The following MSL2 variants were observed in gnomAD, a reference collection of about 807,000 sequenced individuals.
MSL2 encodes MSL complex subunit 2.
In MSL2, 2 loss-of-function variants were observed where a neutral mutation model predicts 35.8. That is an observed-to-expected ratio of 0.06 (90% CI 0.02 to 0.18). The LOEUF is 0.18. Ranked by LOEUF, MSL2 falls within the 10% of genes least tolerant of loss-of-function variation. The pLI is 1.00. For missense variants in MSL2, 523 were observed against 706.7 expected (o/e 0.74, Z 2.95); for synonymous variants, 296 against 255.7 (o/e 1.16, Z -1.50).
In MSL2 at chr3:136,152,560, G is replaced by A. The variant is rs1393391390; in HGVS notation, c.321C>T (p.Cys107=). The A allele has an allele frequency of 6.2e-7, 1 of 1,614,080 alleles. No individual in the cohort carries two copies. Among genetic ancestry groups the A allele is most frequent in the South Asian group, 1.1e-5 (1 of 91,074 alleles). Reference sequence around the variant, plus strand: ...CCAGTGTAGTCTGTGTTATATACTCGCATAGTTTTTTGTAGCAGTTCACTA... The same window carrying A: ...CCAGTGTAGTCTGTGTTATATACTCACATAGTTTTTTGTAGCAGTTCACTA... The part of the protein sequence containing the change: ...SILVNCYKKL[C]EYITQTTLAR... The change falls in exon 2 of 2, where the codon TGC becomes TGT. Residue 107 remains cysteine, a synonymous_variant. Coordinates refer to ENST00000309993, the MANE Select transcript of MSL2 (RefSeq NM_018133.4).
intron 1 of MSL2, among the ~76,000 whole-genome samples, chr3:136,164,093 CA>C (rs1009215449): frequency 6.6e-6 from 1 of 152,030 alleles, no homozygotes; most frequent in Non-Finnish European, 1.5e-5. Flanking sequence ...AAAAAGAAAA[CA>C]AAATCAGTTT....
intron 1 of MSL2, among the ~76,000 whole-genome samples, chr3:136,180,474 G>C (rs1940309067): frequency 2.0e-5 from 3 of 151,802 alleles, no homozygotes; most frequent in African/African-American, 7.3e-5. Flanking sequence ...GGCTGAGGTG[G>C]GCAGATCACG....
chr3:136,191,918 T>C (rs1940701475), intron 1 of MSL2, among the ~76,000 whole-genome samples: 2 of 152,176 alleles, frequency 1.3e-5, no homozygotes, highest in African/African-American at 4.8e-5. Context: ...TCAACCTAAT[T>C]GCAAAGTTTG....
chr3:136,174,448 C>T (rs1242011976), intron 1 of MSL2, among the ~76,000 whole-genome samples: 3 of 152,086 alleles, frequency 2.0e-5, no homozygotes, highest in Non-Finnish European at 4.4e-5. Flanking sequence ...TTGCCCCTTC[C>T]CAAAAATGAT....
At chr3:136,167,810 GA>G in intron 1 of MSL2, among the ~76,000 whole-genome samples, 1 of 152,118 alleles carries the variant, frequency 6.6e-6, no homozygotes, top group Non-Finnish European at 1.5e-5. Flanking sequence ...ATTTGGAATG[GA>G]AAAAAATCAG....
At position 136,195,469 on chromosome 3, in the gene MSL2, G is replaced by A. The variant is rs1354514019; in HGVS notation, c.-356C>T. On this transcript the variant is annotated 5_prime_UTR_variant, in exon 1 of 2. Transcript: ENST00000309993. ...GGCTCGGCAGGCGGCCTGCACTCGA[G>A]CTCCATCTCCGGACACGGAGGCGCC... 9.7e-7 allele frequency: 1 copy of A among 1,027,536 alleles called. No individual in the cohort carries two copies. The highest frequency in any genetic ancestry group is 1.2e-6 in the Non-Finnish European group (1 of 856,814). The allele number at this position is 1,027,536 out of a possible 1,614,324, so 63.7% of individuals were successfully genotyped here. A position where few individuals can be genotyped will look rare whatever the true frequency, so the allele number is the denominator to read the frequency against.
intron 1 of MSL2, among the ~76,000 whole-genome samples, chr3:136,174,147 T>C (rs923611064): frequency 6.6e-6 from 1 of 152,232 alleles, no homozygotes; most frequent in Non-Finnish European, 1.5e-5. Flanking sequence ...CAGAAACTTA[T>C]TTATCTCTAA....
In MSL2 at chr3:136,195,936, G is replaced by A. The variant is rs1013733123; in HGVS notation, c.-823C>T. The A allele has an allele frequency of 9.4e-6, 5 of 530,282 alleles. No homozygotes were observed. The highest frequency in any genetic ancestry group is 1.5e-4 in the East Asian group (1 of 6,844). 32.8% of individuals were successfully genotyped at this position (530,282 alleles called of 1,614,324 possible). On this transcript the variant is annotated 5_prime_UTR_variant, in exon 1 of 2. Transcript: ENST00000309993. ...CTCGCGCCTCAGTCGCACACTCCGG[G>A]GTCACCAGACTCAAGCGCCGCCCCC...
At chr3:136,194,649 G>T in intron 1 of MSL2, 1 of 282,916 alleles carries the variant, frequency 3.5e-6, no homozygotes. Flanking sequence ...CAGCTCCCGC[G>T]GCAAAGGTTT....
intron 1 of MSL2, among the ~76,000 whole-genome samples, chr3:136,189,939 G>A (rs1204245169): frequency 2.0e-5 from 3 of 152,010 alleles, no homozygotes; most frequent in African/African-American, 7.3e-5. Context: ...ATATTAACCA[G>A]GCGCGGGGGT....
chr3:136,195,394 G>A lies in MSL2; in HGVS notation c.-281C>T, dbSNP rs1049941353. On this transcript the variant is annotated 5_prime_UTR_variant, in exon 1 of 2. Transcript: ENST00000309993. ...CCGGAGCGACCACAGAGCGCAGAAC[G>A]CGGCGGCTTGGGCGCTCGGGGCGGG... The A allele has an allele frequency of 1.7e-6, 2 of 1,162,156 alleles. No homozygotes were observed. The highest frequency in any genetic ancestry group is 3.3e-5 in the African/African-American group (2 of 61,442). The allele number at this position is 1,162,156 out of a possible 1,614,324, so 72.0% of individuals were successfully genotyped here.
rs970219161 is a variant in MSL2, at chr3:136,152,169, C to T, written c.712G>A (p.Val238Ile). Residue 238 changes from valine (V) to isoleucine (I), a missense_variant, in exon 2 of 2, where the codon GTT (valine) becomes ATT (isoleucine). Physicochemically the swap from Val to Ile is conservative, Grantham distance 29 (BLOSUM62 3). This residue lies in a region of MSL2 where 361 missense variants were observed against 414.6 expected (regional missense o/e 0.87). Coordinates refer to ENST00000309993, the MANE Select transcript of MSL2 (RefSeq NM_018133.4). ...TEDLSDSLPP[V>I]CDTVATDLCS... ...AAGTCAGTGGCTACTGTGTCACAAACGGGTGGCAGGCTGTCAGACAGATCC... is the reference window on the plus strand; with the variant it reads ...AAGTCAGTGGCTACTGTGTCACAAATGGGTGGCAGGCTGTCAGACAGATCC... The T allele has an allele frequency of 8.7e-6, 14 of 1,614,026 alleles. No homozygotes were observed. In the East Asian group the frequency reaches 1.1e-4, roughly 13 times the overall value.
intron 1 of MSL2, among the ~76,000 whole-genome samples, chr3:136,179,184 G>A (rs1245014623): frequency 1.3e-5 from 2 of 151,322 alleles, no homozygotes; most frequent in Non-Finnish European, 2.9e-5. Flanking sequence ...TGTTCACTTT[G>A]TTCACTTTTT....
At chr3:136,160,298 A>AGAGGGAAGGAAGGAGGGAGGGAGGGAAG (rs1939665470) in intron 1 of MSL2, among the ~76,000 whole-genome samples, 1 of 111,716 alleles carries the variant, frequency 9.0e-6, no homozygotes, top group African/African-American at 3.4e-5. Context: ...AAAAAAAAAA[A>AGAGGGAAGGAAGGAGGGAGGGAGGGAAG]GAGGGAAGGA....
chr3:136,159,354 C>CTTTTTTTTTTTTTTTTT lies in MSL2; in HGVS notation c.143-6633_143-6617dup, dbSNP rs71157361. ...TTCAATGGGGAAAGGAGAGTACTTT[C>CTTTTTTTTTTTTTTTTT]TTTTTTTTTTTTTTTTTTTTTTTTT... On this transcript the variant is annotated intron_variant, in intron 1 of 1. Transcript: ENST00000309993. 6.9e-4 allele frequency among the ~76,000 whole-genome samples: 48 copies of CTTTTTTTTTTTTTTTTT among 70,062 alleles called. 5 individuals are homozygous for CTTTTTTTTTTTTTTTTT. Among genetic ancestry groups the CTTTTTTTTTTTTTTTTT allele is most frequent in the African/African-American group, 2.5e-3 (45 of 18,012 alleles). 46.0% of individuals were successfully genotyped at this position (70,062 alleles called of 152,430 possible).
intron 1 of MSL2, among the ~76,000 whole-genome samples, chr3:136,180,746 G>A (rs1422639270): frequency 1.1e-5 from 1 of 95,070 alleles, no homozygotes; most frequent in African/African-American, 4.1e-5. Flanking sequence ...AGGAGGAGAG[G>A]AGGGAAGGAG....
At chr3:136,180,875 A>T (rs1279310463) in intron 1 of MSL2, among the ~76,000 whole-genome samples, 1 of 146,296 alleles carries the variant, frequency 6.8e-6, no homozygotes, top group Non-Finnish European at 1.5e-5. Flanking sequence ...CGGGCGTGGT[A>T]GCTCAAGCCT....
chr3:136,154,018 G>A (rs1479135209), intron 1 of MSL2, among the ~76,000 whole-genome samples: 1 of 151,778 alleles, frequency 6.6e-6, no homozygotes, highest in Non-Finnish European at 1.5e-5. Context: ...AGGAGGCGGA[G>A]GTTGCAGCGA....
At chr3:136,192,562 AG>A (rs2108099919) in intron 1 of MSL2, among the ~76,000 whole-genome samples, 1 of 152,114 alleles carries the variant, frequency 6.6e-6, no homozygotes, top group Non-Finnish European at 1.5e-5. Flanking sequence ...TTTAGGCAGA[AG>A]AAAATTAAGA....
Sources: gnomAD v4.1 joint callset for allele counts (sites outside exome capture counted in the v4.1 genomes callset) on GRCh38, gnomAD v4.1.1 for gene constraint, gnomAD v4.1.1 regional missense constraint, MANE v1.5 for transcripts, NCBI Gene and HGNC (gene_info 2026-07-23, HGNC 2026-07-21) for gene names.